Variants in PHYKPL observed in about 807,000 individuals in gnomAD.
The protein encoded by PHYKPL is 5-phosphonooxy-L-lysine phospho-lyase.
A neutral mutation model predicts 51.3 loss-of-function variants in PHYKPL; 42 were observed. The ratio of observed to expected loss-of-function variants is 0.82; its 90% CI spans 0.64 to 1.06. PHYKPL has a LOEUF of 1.06. PHYKPL is among the 50% of genes least tolerant of loss of function. PHYKPL has a pLI of 0.00. For synonymous variants in PHYKPL, 264 were observed against 236.0 expected (o/e 1.12, Z -1.09); for missense variants, 655 against 586.6 (o/e 1.12, Z -1.20).
intron 8 of PHYKPL, among the ~76,000 whole-genome samples, chr5:178,217,609 C>T (rs560888825): frequency 2.0e-5 from 3 of 151,336 alleles, no homozygotes; most frequent in East Asian, 2.0e-4. Flanking sequence ...CTGTAATCCC[C>T]GCACTTTGGG....
chr5:178,232,641 T>C lies in PHYKPL; in HGVS notation c.-91A>G. ...AAGGCCCCGCTCCGGGCCCCGCCCCTGCCTGGGTCGGGATTTGGGGCTCAG... is the reference window on the plus strand; with the variant it reads ...AAGGCCCCGCTCCGGGCCCCGCCCCCGCCTGGGTCGGGATTTGGGGCTCAG... On this transcript the variant is annotated 5_prime_UTR_variant, in exon 1 of 13. Coordinates refer to ENST00000308158, the MANE Select transcript of PHYKPL (RefSeq NM_153373.4). 1 of 1,208,852 alleles carries C rather than the reference T, an allele frequency of 8.3e-7. No homozygotes were observed. Among genetic ancestry groups the C allele is most frequent in the African/African-American group, 1.6e-5 (1 of 63,472 alleles). The allele number at this position is 1,208,852 out of a possible 1,614,324, so 74.9% of individuals were successfully genotyped here. A position where few individuals can be genotyped will look rare whatever the true frequency, so the allele number is the denominator to read the frequency against.
intron 12 of PHYKPL, among the ~76,000 whole-genome samples, chr5:178,209,809 A>T (rs1277983447): frequency 6.6e-6 from 1 of 152,166 alleles, no homozygotes; most frequent in East Asian, 1.9e-4. Context: ...CTTCCATCCC[A>T]GGCCCCTCTG....
At chr5:178,232,055 C>A in intron 1 of PHYKPL, 6 of 1,189,726 alleles carry the variant, frequency 5.0e-6, no homozygotes, top group East Asian at 1.2e-4. Flanking sequence ...TGAACCGACT[C>A]CCCCGACTCT....
intron 1 of PHYKPL, 136 bp downstream of exon 1, chr5:178,232,356 C>CAGCGGCCGGACGGGAT: frequency 7.8e-7 from 1 of 1,286,358 alleles, no homozygotes; most frequent in Non-Finnish European, 9.8e-7. Flanking sequence ...GGGGCCGGGG[C>CAGCGGCCGGACGGGAT]AGCGGCCGGA....
At chr5:178,229,134 CCT>C (rs1249352230) in intron 3 of PHYKPL, among the ~76,000 whole-genome samples, 2 of 140,020 alleles carry the variant, frequency 1.4e-5, no homozygotes, top group Non-Finnish European at 3.0e-5. Context: ...TGAGATAGAG[CCT>C]CTCTCTGTCC....
At position 178,214,841 on chromosome 5, in the gene PHYKPL, GCCTCATCTTTGATCAGAT is replaced by G; in HGVS notation, c.1109_1126del (p.Asp370_Glu375del). On this transcript the variant is annotated inframe_deletion, in exon 10 of 13. Coordinates refer to ENST00000308158, the MANE Select transcript of PHYKPL (RefSeq NM_153373.4). ...CTCTTCAGTTGCTGGTGTCCTTGTG[GCCTCATCTTTGATCAGAT>G]CCACACCAATGAAGAGCCCAACACC... The G allele has an allele frequency of 5.0e-6, 8 of 1,613,668 alleles. No homozygotes were observed. In the South Asian group the frequency reaches 7.7e-5, roughly 16 times the overall value.
At chr5:178,226,612 A>ATCTGTATGTTC (rs1762339357) in intron 3 of PHYKPL, 1 of 152,198 alleles carries the variant, frequency 6.6e-6, no homozygotes, top group African/African-American at 2.4e-5. Context: ...AGTTATCTGG[A>ATCTGTATGTTC]AGCTCTCTGA....
intron 6 of PHYKPL, chr5:178,224,222 C>G (rs796225637): frequency 1.9e-6 from 1 of 516,330 alleles, no homozygotes. Context: ...CCAAGGACCC[C>G]GCTTGGTACC....
intron 3 of PHYKPL, 128 bp downstream of exon 3, chr5:178,229,812 A>G: frequency 6.8e-6 from 8 of 1,184,470 alleles, no homozygotes; most frequent in Non-Finnish European, 8.2e-6. Context: ...GAATCTCAGG[A>G]GCCTGGTGCA....
intron 10 of PHYKPL, among the ~76,000 whole-genome samples, chr5:178,213,864 T>G (rs1209435757): frequency 6.6e-6 from 1 of 152,222 alleles, no homozygotes; most frequent in African/African-American, 2.4e-5. Flanking sequence ...TGGGGCCAGA[T>G]CTAGCTCTTG....
At chr5:178,223,368 C>G in intron 6 of PHYKPL, 1 of 457,120 alleles carries the variant, frequency 2.2e-6, no homozygotes, top group South Asian at 1.5e-5. Context: ...CTGCAGAGGT[C>G]TTCTAACTGA....
At chr5:178,222,959 C>T (rs377701007) in intron 6 of PHYKPL, 25 bp from the exon 7 acceptor site, 40 of 1,612,028 alleles carry the variant, frequency 2.5e-5, no homozygotes, top group Non-Finnish European at 3.4e-5. Context: ...ACATTGGGAA[C>T]ACGACCATGG....
In PHYKPL at chr5:178,230,288, G is replaced by GA. The variant is rs903685863; in HGVS notation, c.179-190dup. On this transcript the variant is annotated intron_variant, in intron 2 of 12. Coordinates refer to ENST00000308158, the MANE Select transcript of PHYKPL (RefSeq NM_153373.4). ...TGGAAAGGCAGATCCAGGAGTTCCT[G>GA]AGATTCTGGCAGAAGGAAAGCCGCT... is the stretch of plus-strand genomic sequence containing the variant. 4.7e-6 allele frequency: 3 copies of GA among 644,110 alleles called. No homozygotes were observed. The African/African-American group carries it at 5.5e-5, about 12-fold the overall frequency. 39.9% of individuals were successfully genotyped at this position (644,110 alleles called of 1,614,324 possible).
chr5:178,231,791 T>C (rs936868918), intron 1 of PHYKPL: 15 of 1,425,414 alleles, frequency 1.1e-5, no homozygotes, highest in Non-Finnish European at 1.3e-5. Flanking sequence ...CATTTCTGCA[T>C]GTGTCCGCGT....
intron 8 of PHYKPL, among the ~76,000 whole-genome samples, chr5:178,221,067 T>C (rs1201039769): frequency 2.0e-5 from 3 of 152,096 alleles, no homozygotes; most frequent in African/African-American, 7.2e-5. Context: ...GGTCTAAGCT[T>C]TCATTAGGGA....
At chr5:178,228,511 T>G (rs11740356) in intron 3 of PHYKPL, 61,478 of 702,204 alleles carry the variant, frequency 0.088, 3,185 homozygotes, top group Non-Finnish European at 0.11. Flanking sequence ...CCAGCTCCCT[T>G]CTCTTTCCAG....
At position 178,214,215 on chromosome 5, in the gene PHYKPL, T is replaced by G. The variant is rs114664927; in HGVS notation, c.1172+581A>C. ...AAGGGGTAGGCCTGGGGAATGGAGATAAAAGGGAATAACAATTCAACTAGA... is the reference window on the plus strand; with the variant it reads ...AAGGGGTAGGCCTGGGGAATGGAGAGAAAAGGGAATAACAATTCAACTAGA... On this transcript the variant is annotated intron_variant, in intron 10 of 12. Coordinates refer to ENST00000308158, the MANE Select transcript of PHYKPL (RefSeq NM_153373.4). Among the ~76,000 whole-genome samples the G allele has an allele frequency of 2.7e-3, 418 of 152,030 alleles. 2 individuals carry two copies. Among genetic ancestry groups the G allele is most frequent in the African/African-American group, 9.6e-3 (397 of 41,446 alleles).
In PHYKPL at chr5:178,231,710, G is replaced by C. The variant is rs1483501974; in HGVS notation, c.60-187C>G. On this transcript the variant is annotated intron_variant, in intron 1 of 12. Transcript: ENST00000308158. ...ACAGGTGGTTGCAAAGCAGGAAGCA[G>C]ATGGGGTAACAAGTCGCTGAAACTT... is the stretch of plus-strand genomic sequence containing the variant. 3.2e-6 allele frequency: 5 copies of C among 1,547,838 alleles called. No homozygotes were observed. The Admixed American group carries it at 9.8e-5, about 30-fold the overall frequency.
chr5:178,220,273 C>T (rs886387186), intron 8 of PHYKPL, among the ~76,000 whole-genome samples: 9 of 149,654 alleles, frequency 6.0e-5, no homozygotes, highest in East Asian at 2.0e-4. Flanking sequence ...CTGAGGCGGG[C>T]GGATTACCTG....
Sources: gnomAD v4.1 joint callset for allele counts (sites outside exome capture counted in the v4.1 genomes callset) on GRCh38, gnomAD v4.1.1 for gene constraint, MANE v1.5 for transcripts, NCBI Gene and HGNC (gene_info 2026-07-23, HGNC 2026-07-21) for gene names.